The following ROBO2 variants were observed in gnomAD, a reference collection of about 807,000 sequenced individuals.
ROBO2 encodes the protein roundabout homolog 2.
ROBO2 carries 53 observed loss-of-function variants against 160.8 expected under a neutral mutation model. The ratio of observed to expected loss-of-function variants is 0.33; its 90% CI spans 0.26 to 0.41. The LOEUF (loss-of-function observed/expected upper bound fraction) is 0.41. Ranked by LOEUF, ROBO2 falls within the 10% of genes least tolerant of loss-of-function variation. ROBO2 has a pLI of 1.00. For synonymous variants in ROBO2, 664 were observed against 611.7 expected, an observed-to-expected ratio of 1.09 and a Z score of -1.26; for missense variants, 1,577 against 1,722.4, an observed-to-expected ratio of 0.92 and a Z score of 1.49.
intron 2 of ROBO2, among the ~76,000 whole-genome samples, chr3:76,896,837 C>A (rs565173886): frequency 6.6e-6 from 1 of 152,214 alleles, no homozygotes; most frequent in Admixed American, 6.5e-5. Flanking sequence ...AATTTCTAAA[C>A]TTTTAGGAAA....
At chr3:76,772,794 T>G (rs1285603190) in intron 2 of ROBO2, among the ~76,000 whole-genome samples, 1 of 151,110 alleles carries the variant, frequency 6.6e-6, no homozygotes, top group Non-Finnish European at 1.5e-5. Flanking sequence ...AGTTTTCCAT[T>G]TTCATTAGTG....
chr3:76,160,883 A>G (rs903403888), intron 2 of ROBO2, among the ~76,000 whole-genome samples: 4 of 152,138 alleles, frequency 2.6e-5, no homozygotes, highest in Admixed American at 2.6e-4. Context: ...TTTTTCATGA[A>G]TGTTTTCAAG....
intron 2 of ROBO2, among the ~76,000 whole-genome samples, chr3:76,431,865 T>C (rs1299047141): frequency 2.0e-5 from 3 of 152,208 alleles, no homozygotes; most frequent in Admixed American, 1.3e-4. Context: ...GATTTAAATG[T>C]ATTTCATTTT....
chr3:76,998,757 A>C (rs1409646724), intron 2 of ROBO2, among the ~76,000 whole-genome samples: 1 of 152,140 alleles, frequency 6.6e-6, no homozygotes, highest in African/African-American at 2.4e-5. Flanking sequence ...GTGATTGATG[A>C]AGCCTATGTG....
intron 2 of ROBO2, among the ~76,000 whole-genome samples, chr3:76,433,111 C>T (rs1298986932): frequency 6.6e-6 from 1 of 152,136 alleles, no homozygotes; most frequent in Non-Finnish European, 1.5e-5. Flanking sequence ...CTAGTTTTCT[C>T]ATATATCTGC....
chr3:76,816,591 A>T (rs2065685760), intron 2 of ROBO2, among the ~76,000 whole-genome samples: 1 of 151,994 alleles, frequency 6.6e-6, no homozygotes. Flanking sequence ...GCTTGCTCTA[A>T]TGCCAACCAT....
At chr3:76,181,549 T>A (rs998133903) in intron 2 of ROBO2, among the ~76,000 whole-genome samples, 2 of 152,182 alleles carry the variant, frequency 1.3e-5, no homozygotes, top group Admixed American at 6.6e-5. Flanking sequence ...TCTGAAGATA[T>A]AATATTTTGT....
chr3:76,889,965 A>T (rs969246447), intron 2 of ROBO2, among the ~76,000 whole-genome samples: 4 of 152,022 alleles, frequency 2.6e-5, no homozygotes, highest in African/African-American at 9.7e-5. Flanking sequence ...CCTGAGAGAG[A>T]AGTGAGAGCG....
intron 2 of ROBO2, among the ~76,000 whole-genome samples, chr3:77,211,849 T>A (rs958777012): frequency 2.0e-5 from 3 of 152,212 alleles, no homozygotes; most frequent in Non-Finnish European, 2.9e-5. Context: ...CCCCATTGCT[T>A]GTTTTTGTCA....
At chr3:76,729,785 G>A (rs747780961) in intron 2 of ROBO2, among the ~76,000 whole-genome samples, 11 of 151,880 alleles carry the variant, frequency 7.2e-5, no homozygotes, top group Non-Finnish European at 1.0e-4. Flanking sequence ...TTACAGCCAC[G>A]TGCCACCACG....
intron 2 of ROBO2, among the ~76,000 whole-genome samples, chr3:77,343,328 G>C (rs1258759347): frequency 1.3e-5 from 2 of 152,054 alleles, no homozygotes; most frequent in African/African-American, 4.8e-5. Flanking sequence ...TTGCCTATAG[G>C]CTTTGGCCAC....
At chr3:76,435,311 G>T (rs2076622115) in intron 2 of ROBO2, 1 of 913,232 alleles carries the variant, frequency 1.1e-6, no homozygotes, top group African/African-American at 1.6e-5. Context: ...CTTCCTAGAT[G>T]AACACCCTCA....
chr3:76,417,145 G>T (rs2108887660), intron 2 of ROBO2, among the ~76,000 whole-genome samples: 1 of 152,258 alleles, frequency 6.6e-6, no homozygotes, highest in South Asian at 2.1e-4. Context: ...GAGGAAAAAA[G>T]CTCATGTTAT....
intron 2 of ROBO2, among the ~76,000 whole-genome samples, chr3:76,833,373 C>A (rs1041701561): frequency 1.3e-5 from 2 of 152,102 alleles, no homozygotes; most frequent in Admixed American, 6.6e-5. Context: ...ATGATTACCA[C>A]AAGGTGTCAG....
intron 4 of ROBO2, among the ~76,000 whole-genome samples, chr3:77,486,221 AG>A (rs34427232): frequency 0.52 from 79,163 of 151,898 alleles, 20,964 homozygotes; most frequent in Admixed American, 0.63. Flanking sequence ...TATTGTGAAT[AG>A]TGCTACAATG....
intron 2 of ROBO2, among the ~76,000 whole-genome samples, chr3:76,123,942 T>C (rs1340821828): frequency 1.3e-5 from 2 of 152,156 alleles, no homozygotes; most frequent in Non-Finnish European, 2.9e-5. Context: ...AAATCCTTGT[T>C]TTATGCTGAA....
At position 77,086,986 on chromosome 3, in the gene ROBO2, T is replaced by C. The variant is rs189086071; in HGVS notation, c.62-11028T>C. 3.3e-4 allele frequency among the ~76,000 whole-genome samples: 50 copies of C among 152,282 alleles called. 2 individuals are homozygous for C. The East Asian group carries it at 9.5e-3, about 29-fold the overall frequency. On this transcript the variant is annotated intron_variant, in intron 1 of 25. Coordinates refer to ENST00000461745, the Ensembl canonical transcript of ROBO2. ...CTGACAAATGTATTAACTAAGTATT[T>C]AACAAAGCTTAGCACACACATGCAT...
At chr3:77,392,928 A>G (rs1236517395) in intron 2 of ROBO2, among the ~76,000 whole-genome samples, 2 of 152,158 alleles carry the variant, frequency 1.3e-5, no homozygotes, top group East Asian at 1.9e-4. Flanking sequence ...GACCTTTCTT[A>G]TTATTTTGTG....
At position 76,038,596 on chromosome 3, in the gene ROBO2, C is replaced by A. The variant is rs531322317; in HGVS notation, c.109+100994C>A. On this transcript the variant is annotated intron_variant, in intron 2 of 26. Coordinates refer to the ROBO2 transcript ENST00000487694. Reference sequence around the variant, plus strand: ...GAAGTGTTATTTTAACACCAGTGTCCCCATGGGCTGAAGCTGCATCCGGCC... The same window carrying A: ...GAAGTGTTATTTTAACACCAGTGTCACCATGGGCTGAAGCTGCATCCGGCC... Among the ~76,000 whole-genome samples the A allele has an allele frequency of 5.1e-4, 78 of 151,948 alleles. 1 individual carries two copies. The highest frequency in any genetic ancestry group is 7.1e-4 in the Non-Finnish European group (48 of 68,014).
Sources: gnomAD v4.1 joint callset for allele counts (sites outside exome capture counted in the v4.1 genomes callset) on GRCh38, gnomAD v4.1.1 for gene constraint, MANE v1.5 for transcripts, NCBI Gene and HGNC (gene_info 2026-07-23, HGNC 2026-07-21) for gene names.